CSMD1: variants seen among roughly 807,000 people sequenced by gnomAD.
The protein encoded by CSMD1 is CUB and sushi domain-containing protein 1.
A neutral mutation model predicts 417.5 loss-of-function variants in CSMD1; 213 were observed. The observed-to-expected ratio is 0.51, with a 90% CI of 0.46 to 0.57. CSMD1 has a LOEUF of 0.57. CSMD1 is among the 20% of genes least tolerant of loss of function. CSMD1 has a pLI of 0.00. For synonymous variants in CSMD1, 2,862 were observed against 1,736.8 expected, an observed-to-expected ratio of 1.65 and a Z score of -16.11; for missense variants, 6,923 against 4,529.7, an observed-to-expected ratio of 1.53 and a Z score of -15.17.
At chr8:4,687,573 A>T (rs958520469) in intron 1 of CSMD1, among the ~76,000 whole-genome samples, 2 of 152,192 alleles carry the variant, frequency 1.3e-5, no homozygotes, top group Non-Finnish European at 2.9e-5. Flanking sequence ...TTATAGGAGC[A>T]TCACAAGAAT....
chr8:4,263,811 A>G (rs908426297), intron 3 of CSMD1, among the ~76,000 whole-genome samples: 1 of 152,206 alleles, frequency 6.6e-6, no homozygotes, highest in Non-Finnish European at 1.5e-5. Context: ...CCTAAATTAT[A>G]CATATTTTCT....
intron 2 of CSMD1, among the ~76,000 whole-genome samples, chr8:4,499,257 C>T (rs368436675): frequency 2.6e-5 from 4 of 152,210 alleles, no homozygotes; most frequent in African/African-American, 9.6e-5. Context: ...TCTGGATAAG[C>T]ACAGGAAAGA....
intron 50 of CSMD1, among the ~76,000 whole-genome samples, chr8:3,049,355 G>A (rs1428702420): frequency 2.6e-5 from 4 of 152,130 alleles, no homozygotes; most frequent in African/African-American, 9.7e-5. Context: ...ACGTAAACGG[G>A]TAAATAAGCC....
At chr8:4,571,626 CG>C (rs1181007971) in intron 2 of CSMD1, among the ~76,000 whole-genome samples, 1 of 152,054 alleles carries the variant, frequency 6.6e-6, no homozygotes, top group Admixed American at 6.6e-5. Context: ...CTGTTAATTT[CG>C]GGTGGACAGT....
intron 1 of CSMD1, among the ~76,000 whole-genome samples, chr8:4,710,509 G>A (rs1477884132): frequency 6.8e-6 from 1 of 147,804 alleles, no homozygotes; most frequent in Admixed American, 6.8e-5. Context: ...AAATTACATT[G>A]AGTAAGTGTG....
At chr8:4,332,834 C>G (rs1258692682) in intron 3 of CSMD1, among the ~76,000 whole-genome samples, 6 of 150,200 alleles carry the variant, frequency 4.0e-5, no homozygotes, top group Admixed American at 1.3e-4. Context: ...CTTTATTTAG[C>G]TGATGAAATG....
At chr8:3,913,481 G>A (rs377656817) in intron 5 of CSMD1, among the ~76,000 whole-genome samples, 2 of 152,186 alleles carry the variant, frequency 1.3e-5, no homozygotes, top group Admixed American at 6.5e-5. Flanking sequence ...CAAGCCCTTG[G>A]AATGTGTCCC....
At chr8:4,157,356 C>A (rs766946315) in intron 3 of CSMD1, among the ~76,000 whole-genome samples, 4 of 152,164 alleles carry the variant, frequency 2.6e-5, no homozygotes, top group Non-Finnish European at 2.9e-5. Context: ...CCATCATTTT[C>A]TTTGAAGAAA....
intron 12 of CSMD1, among the ~76,000 whole-genome samples, chr8:3,434,710 G>A (rs533210171): frequency 6.6e-6 from 1 of 152,024 alleles, no homozygotes; most frequent in African/African-American, 2.4e-5. Context: ...ACTTCATTTT[G>A]CTGCTGAATA....
chr8:3,990,332 C>G (rs571620820), intron 5 of CSMD1, among the ~76,000 whole-genome samples: 7 of 152,236 alleles, frequency 4.6e-5, no homozygotes, highest in East Asian at 1.9e-4. Context: ...TTGGAGAAAT[C>G]TGACATGAGA....
At chr8:4,433,884 T>G (rs955250625) in intron 2 of CSMD1, among the ~76,000 whole-genome samples, 1 of 152,130 alleles carries the variant, frequency 6.6e-6, no homozygotes, top group Non-Finnish European at 1.5e-5. Context: ...CCCCATTTCT[T>G]TGACAATCCT....
intron 3 of CSMD1, among the ~76,000 whole-genome samples, chr8:4,335,186 G>C (rs1317256542): frequency 6.6e-6 from 1 of 152,080 alleles, no homozygotes; most frequent in East Asian, 1.9e-4. Flanking sequence ...TTACAGGTGT[G>C]AGCCACCATG....
intron 5 of CSMD1, among the ~76,000 whole-genome samples, chr8:3,866,626 G>A (rs547492024): frequency 1.3e-5 from 2 of 151,768 alleles, no homozygotes; most frequent in Non-Finnish European, 2.9e-5. Context: ...CAAACCCAAA[G>A]TCACTATTTG....
At chr8:3,005,628 A>G (rs1807825101) in intron 52 of CSMD1, among the ~76,000 whole-genome samples, 2 of 152,238 alleles carry the variant, frequency 1.3e-5, no homozygotes, top group South Asian at 2.1e-4. Context: ...TACACAAATC[A>G]ATAAATGTAA....
chr8:4,358,932 T>C (rs148789488), intron 3 of CSMD1, among the ~76,000 whole-genome samples: 1 of 151,886 alleles, frequency 6.6e-6, no homozygotes, highest in African/African-American at 2.4e-5. Flanking sequence ...ACTGAATAAT[T>C]AGTACATTCA....
chr8:3,034,804 T>G (rs77034362), intron 50 of CSMD1, among the ~76,000 whole-genome samples: 5,147 of 152,196 alleles, frequency 0.034, 298 homozygotes, highest in African/African-American at 0.12. Context: ...CATTATAGAC[T>G]AGGGAATAAG....
Position 4,007,442 on chromosome 8 carries a change from C to T in CSMD1, c.611-9332G>A, listed in dbSNP as rs117992566. ...TTGCAATGACCACCTGCCTGAGAAG[C>T]ACATCTCCCTGTCTGACTTCAGAGC... On this transcript the variant is annotated intron_variant, in intron 4 of 69. Coordinates refer to ENST00000635120, the MANE Select transcript of CSMD1 (RefSeq NM_033225.6). 1.4e-4 allele frequency among the ~76,000 whole-genome samples: 21 copies of T among 152,304 alleles called. No individual in the cohort carries two copies. The East Asian group carries it at 1.7e-3, about 13-fold the overall frequency.
At position 3,087,730 on chromosome 8, in the gene CSMD1, G is replaced by A. The variant is rs541835465; in HGVS notation, c.7286-445C>T. The stretch of plus-strand genomic sequence containing the variant: ...GCAGCATTCAAAGTCATCCTGCGCT[G>A]TATGCAGCCCACAGGCTGCAGGTTG... On this transcript the variant is annotated intron_variant, in intron 48 of 69. Transcript: ENST00000635120. Among the ~76,000 whole-genome samples the A allele has an allele frequency of 4.0e-4, 61 of 152,342 alleles. 1 individual carries two copies. Among genetic ancestry groups the A allele is most frequent in the African/African-American group, 1.1e-3 (46 of 41,580 alleles).
chr8:3,127,358 T>C (rs1446400885), intron 41 of CSMD1: 3 of 152,122 alleles, frequency 2.0e-5, no homozygotes, highest in Non-Finnish European at 2.9e-5. Flanking sequence ...GAATCCCCCG[T>C]TGAAAGGAAA....
Sources: gnomAD v4.1 joint callset for allele counts (sites outside exome capture counted in the v4.1 genomes callset) on GRCh38, gnomAD v4.1.1 for gene constraint, MANE v1.5 for transcripts, NCBI Gene and HGNC (gene_info 2026-07-23, HGNC 2026-07-21) for gene names.